ANKS1B: variants seen among roughly 807,000 people sequenced by gnomAD.
ANKS1B encodes the protein ankyrin repeat and sterile alpha motif domain containing 1B, also known as ankyrin repeat and sterile alpha motif domain-containing protein 1B.
ANKS1B carries 36 observed loss-of-function variants against 148.3 expected under a neutral mutation model. The ratio of observed to expected loss-of-function variants is 0.24; its 90% CI spans 0.19 to 0.32. ANKS1B has a LOEUF of 0.32. ANKS1B is among the 10% of genes least tolerant of loss of function. The pLI, the probability that ANKS1B is intolerant of heterozygous loss-of-function variation, is 1.00. For synonymous variants in ANKS1B, 542 were observed against 560.8 expected (o/e 0.97, Z 0.47); for missense variants, 1,157 against 1,542.6 (o/e 0.75, Z 4.19).
At chr12:99,243,785 C>G (rs1464404635) in intron 14 of ANKS1B, among the ~76,000 whole-genome samples, 1 of 152,082 alleles carries the variant, frequency 6.6e-6, no homozygotes, top group African/African-American at 2.4e-5. Flanking sequence ...GACAGAAAAC[C>G]AAACACCACA....
intron 11 of ANKS1B, among the ~76,000 whole-genome samples, chr12:99,402,416 C>A (rs2094429579): frequency 6.9e-6 from 1 of 145,412 alleles, no homozygotes; most frequent in African/African-American, 2.6e-5. Context: ...TTTTATCGCC[C>A]AGGTATTAAG....
Position 99,360,350 on chromosome 12 carries a change from G to A in ANKS1B, c.1756+39281C>T, listed in dbSNP as rs1403282925. ...AATGTTAAAATTCTGACTCTACCTT[G>A]TACATAAAAAGAACCAGTAATTCCA... On this transcript the variant is annotated intron_variant, in intron 12 of 26. Coordinates refer to ENST00000683438, the MANE Select transcript of ANKS1B (RefSeq NM_001352186.2). 5.8e-4 allele frequency among the ~76,000 whole-genome samples: 89 copies of A among 152,212 alleles called. 1 individual carries two copies. Among genetic ancestry groups the A allele is most frequent in the Non-Finnish European group, 1.5e-5 (1 of 67,996 alleles).
At chr12:99,973,553 G>A (rs1281124621) in intron 1 of ANKS1B, among the ~76,000 whole-genome samples, 1 of 152,168 alleles carries the variant, frequency 6.6e-6, no homozygotes, top group East Asian at 1.9e-4. Context: ...TGCACTCCAG[G>A]CCTGGGTGAC....
chr12:99,688,664 T>C (rs2098662766), intron 8 of ANKS1B, among the ~76,000 whole-genome samples: 1 of 151,968 alleles, frequency 6.6e-6, no homozygotes, highest in Non-Finnish European at 1.5e-5. Context: ...TAACAAGACT[T>C]GGTCTCTAGA....
At chr12:99,688,757 C>T (rs959368311) in intron 8 of ANKS1B, among the ~76,000 whole-genome samples, 2 of 151,986 alleles carry the variant, frequency 1.3e-5, no homozygotes, top group Non-Finnish European at 2.9e-5. Context: ...GGAAGGATTG[C>T]TTGAGCCCAG....
chr12:98,872,038 T>C (rs73380495), intron 17 of ANKS1B, among the ~76,000 whole-genome samples: 5,121 of 152,276 alleles, frequency 0.034, 281 homozygotes, highest in African/African-American at 0.12. Flanking sequence ...AACATTGTAA[T>C]AGTTTTCTGG....
At chr12:99,356,403 C>A (rs145382137) in intron 12 of ANKS1B, among the ~76,000 whole-genome samples, 1 of 152,136 alleles carries the variant, frequency 6.6e-6, no homozygotes, top group Non-Finnish European at 1.5e-5. Flanking sequence ...CTGACCACCA[C>A]GCACTGGCAT....
intron 17 of ANKS1B, among the ~76,000 whole-genome samples, chr12:98,950,552 T>C (rs1261548175): frequency 6.6e-6 from 1 of 152,066 alleles, no homozygotes; most frequent in Non-Finnish European, 1.5e-5. Flanking sequence ...CTGCGAGTCC[T>C]AAGGAAACTG....
chr12:99,691,763 G>A (rs189061501), intron 8 of ANKS1B, among the ~76,000 whole-genome samples: 56 of 152,256 alleles, frequency 3.7e-4, no homozygotes, highest in African/African-American at 1.2e-3. Context: ...CCAAAGTTGC[G>A]TCCAAATTTT....
At chr12:99,419,316 C>T (rs941846274) in intron 11 of ANKS1B, among the ~76,000 whole-genome samples, 5 of 152,110 alleles carry the variant, frequency 3.3e-5, no homozygotes, top group African/African-American at 1.2e-4. Context: ...TTATGTATTA[C>T]ATATTGGGTA....
At chr12:99,317,672 T>C (rs888342235) in intron 12 of ANKS1B, among the ~76,000 whole-genome samples, 8 of 152,050 alleles carry the variant, frequency 5.3e-5, no homozygotes, top group African/African-American at 1.7e-4. Flanking sequence ...TCCTGCCTGA[T>C]TTGCCCTGGC....
intron 4 of ANKS1B, among the ~76,000 whole-genome samples, chr12:99,796,300 T>TA (rs2066247021): frequency 6.6e-6 from 1 of 152,036 alleles, no homozygotes; most frequent in Admixed American, 6.6e-5. Flanking sequence ...TTAAAACTTA[T>TA]AAGTTGTTTA....
chr12:99,898,851 TGAC>T (rs1334029972), intron 1 of ANKS1B, among the ~76,000 whole-genome samples: 1 of 152,174 alleles, frequency 6.6e-6, no homozygotes, highest in Admixed American at 6.5e-5. Context: ...ATGATGATGA[TGAC>T]GACAACAACA....
chr12:99,681,809 C>T (rs1189425332), intron 8 of ANKS1B, among the ~76,000 whole-genome samples: 1 of 152,152 alleles, frequency 6.6e-6, no homozygotes, highest in Non-Finnish European at 1.5e-5. Context: ...ATCACATTAG[C>T]TCATCAGCAA....
chr12:99,524,470 T>C (rs1466712138), intron 9 of ANKS1B, among the ~76,000 whole-genome samples: 1 of 152,182 alleles, frequency 6.6e-6, no homozygotes, highest in Non-Finnish European at 1.5e-5. Flanking sequence ...TGGCCCACTA[T>C]ACTCAGAAAG....
intron 9 of ANKS1B, among the ~76,000 whole-genome samples, chr12:99,612,502 G>A (rs1241701214): frequency 6.6e-6 from 1 of 152,104 alleles, no homozygotes; most frequent in Non-Finnish European, 1.5e-5. Flanking sequence ...CACACAGCTA[G>A]TAAGAAACAA....
chr12:99,178,773 T>C (rs556190253), intron 14 of ANKS1B, among the ~76,000 whole-genome samples: 1 of 152,178 alleles, frequency 6.6e-6, no homozygotes, highest in African/African-American at 2.4e-5. Context: ...TGTAATAAGA[T>C]AACAAAAATA....
chr12:99,352,396 T>A (rs1199785194), intron 12 of ANKS1B, among the ~76,000 whole-genome samples: 1 of 151,922 alleles, frequency 6.6e-6, no homozygotes, highest in African/African-American at 2.4e-5. Context: ...AGCATTCTGA[T>A]GAGGATCTGG....
intron 9 of ANKS1B, among the ~76,000 whole-genome samples, chr12:99,578,259 T>C (rs543376154): frequency 1.3e-5 from 2 of 152,210 alleles, no homozygotes; most frequent in African/African-American, 4.8e-5. Flanking sequence ...ACAGCCAACA[T>C]CATGTCAAAT....
Sources: allele counts gnomAD v4.1 joint callset (sites outside exome capture counted in the v4.1 genomes callset), GRCh38; gene constraint gnomAD v4.1.1; transcripts MANE v1.5; gene names NCBI Gene and HGNC (gene_info 2026-07-23, HGNC 2026-07-21).